Variants in PDE4D observed in about 807,000 individuals in gnomAD.
PDE4D encodes the protein phosphodiesterase 4D.
PDE4D carries 24 observed loss-of-function variants against 87.4 expected under a neutral mutation model. The observed-to-expected ratio is 0.27, with a 90% CI of 0.20 to 0.39. The LOEUF is 0.39. Among genes scored for constraint, PDE4D ranks in the 10% least tolerant of loss-of-function variants. PDE4D has a pLI of 1.00. For synonymous variants in PDE4D, 384 were observed against 383.2 expected (o/e 1.00, Z -0.02); for missense variants, 714 against 1,041.0 (o/e 0.69, Z 4.32).
At position 60,406,952 on chromosome 5, in the gene PDE4D, C is replaced by T. The variant is rs149028977; in HGVS notation, c.-90+80990G>A. ...GTACTATAAATTCAACACAACTAGCCTTCCTTGCTGTAAGCACCAAGAGCA... is the reference window on the plus strand; with the variant it reads ...GTACTATAAATTCAACACAACTAGCTTTCCTTGCTGTAAGCACCAAGAGCA... On this transcript the variant is annotated intron_variant, in intron 1 of 16. Transcript: ENST00000502484. Among the ~76,000 whole-genome samples, 904 of 152,204 alleles carry T rather than the reference C, an allele frequency of 5.9e-3. 6 individuals are homozygous for T. The highest frequency in any genetic ancestry group is 0.021 in the African/African-American group (871 of 41,526).
intron 1 of PDE4D, among the ~76,000 whole-genome samples, chr5:60,290,215 T>C (rs893830356): frequency 1.3e-5 from 2 of 151,778 alleles, no homozygotes; most frequent in Non-Finnish European, 2.9e-5. Context: ...ATTAGAACAA[T>C]AAAAGATCAA....
At chr5:59,768,166 AC>A (rs1763034104) in intron 1 of PDE4D, 1 of 1,520,860 alleles carries the variant, frequency 6.6e-7, no homozygotes, top group Admixed American at 1.8e-5. Context: ...CTCCCTCCCT[AC>A]CCCCAAAATT....
intron 1 of PDE4D, among the ~76,000 whole-genome samples, chr5:60,507,402 T>TA (rs1218054536): frequency 7.9e-5 from 12 of 152,314 alleles, no homozygotes; most frequent in Admixed American, 5.9e-4. Flanking sequence ...CTGTAATTCT[T>TA]AGACACTTTG....
At chr5:60,147,648 GCTTAGGGT>G in intron 2 of PDE4D, 1 of 380,288 alleles carries the variant, frequency 2.6e-6, no homozygotes, top group South Asian at 2.0e-5. Flanking sequence ...ATTCAGGAGA[GCTTAGGGT>G]CTCTCAAGAG....
At chr5:59,425,535 G>T (rs1258344813) in intron 1 of PDE4D, among the ~76,000 whole-genome samples, 1 of 152,110 alleles carries the variant, frequency 6.6e-6, no homozygotes, top group Non-Finnish European at 1.5e-5. Flanking sequence ...AATTGCGTCA[G>T]TTGAAAATCA....
intron 1 of PDE4D, among the ~76,000 whole-genome samples, chr5:60,201,245 T>A (rs1362513760): frequency 1.4e-5 from 2 of 144,670 alleles, no homozygotes; most frequent in African/African-American, 4.9e-5. Context: ...TTTTTTTTTT[T>A]AAGTTAAGTA....
At chr5:58,978,664 G>A (rs1354260415) in intron 11 of PDE4D, among the ~76,000 whole-genome samples, 1 of 152,052 alleles carries the variant, frequency 6.6e-6, no homozygotes, top group African/African-American at 2.4e-5. Flanking sequence ...ATACAAATTT[G>A]CACACTTAAA....
At chr5:59,480,780 A>T (rs1225259886) in intron 1 of PDE4D, among the ~76,000 whole-genome samples, 1 of 152,186 alleles carries the variant, frequency 6.6e-6, no homozygotes, top group Non-Finnish European at 1.5e-5. Flanking sequence ...ACTGTGTGCC[A>T]GACAGGTGAT....
intron 2 of PDE4D, among the ~76,000 whole-genome samples, chr5:59,990,367 C>T (rs1333734421): frequency 6.6e-6 from 1 of 152,072 alleles, no homozygotes; most frequent in African/African-American, 2.4e-5. Flanking sequence ...TCTATGCTGT[C>T]TTTGATGCTC....
At chr5:60,465,390 A>C (rs1696094236) in intron 1 of PDE4D, among the ~76,000 whole-genome samples, 1 of 152,142 alleles carries the variant, frequency 6.6e-6, no homozygotes, top group Non-Finnish European at 1.5e-5. Flanking sequence ...CATAACATAC[A>C]TATTATTCCA....
intron 1 of PDE4D, among the ~76,000 whole-genome samples, chr5:60,365,486 A>T (rs1760442355): frequency 6.6e-6 from 1 of 152,176 alleles, no homozygotes; most frequent in Non-Finnish European, 1.5e-5. Flanking sequence ...CTCTCTCTGC[A>T]TCATTCATTT....
At chr5:60,457,109 A>C (rs1007681080) in intron 1 of PDE4D, among the ~76,000 whole-genome samples, 5 of 152,228 alleles carry the variant, frequency 3.3e-5, no homozygotes, top group African/African-American at 1.2e-4. Context: ...AGCCTGCTCG[A>C]CTGAGAGACC....
chr5:60,382,544 T>C (rs1257987625), intron 1 of PDE4D, among the ~76,000 whole-genome samples: 1 of 152,206 alleles, frequency 6.6e-6, no homozygotes, highest in East Asian at 1.9e-4. Context: ...TTTTAGACTT[T>C]TATTCTTCTA....
At chr5:59,591,485 GT>G (rs944157065) in intron 1 of PDE4D, among the ~76,000 whole-genome samples, 4 of 152,142 alleles carry the variant, frequency 2.6e-5, no homozygotes, top group Admixed American at 1.3e-4. Flanking sequence ...AATGTCAAAT[GT>G]TAAGGTATAT....
chr5:59,928,124 A>G (rs138391341), intron 3 of PDE4D, among the ~76,000 whole-genome samples: 504 of 152,330 alleles, frequency 3.3e-3, no homozygotes, highest in Non-Finnish European at 5.6e-3. Context: ...GCTCAGTGCC[A>G]GATTTCCTGA....
At chr5:60,298,383 C>A (rs1481425350) in intron 1 of PDE4D, among the ~76,000 whole-genome samples, 1 of 152,048 alleles carries the variant, frequency 6.6e-6, no homozygotes, top group Non-Finnish European at 1.5e-5. Context: ...TAAACACATC[C>A]CTAGAGAAAT....
intron 1 of PDE4D, among the ~76,000 whole-genome samples, chr5:59,241,030 A>C (rs978223051): frequency 6.6e-6 from 1 of 152,204 alleles, no homozygotes; most frequent in African/African-American, 2.4e-5. Flanking sequence ...AAGCATGTGA[A>C]GTGCTCAGCA....
intron 1 of PDE4D, among the ~76,000 whole-genome samples, chr5:59,791,345 T>C (rs1374433610): frequency 6.6e-6 from 1 of 152,232 alleles, no homozygotes; most frequent in Non-Finnish European, 1.5e-5. Flanking sequence ...TGGTGGGAGT[T>C]CACGGCGCTG....
In PDE4D at chr5:59,794,145, A is replaced by G. The variant is rs1248742555; in HGVS notation, c.455+99023T>C. Among the ~76,000 whole-genome samples the G allele has an allele frequency of 2.1e-3, 106 of 51,418 alleles. 1 individual carries two copies. The highest frequency in any genetic ancestry group is 2.7e-3 in the African/African-American group (43 of 15,998). 33.7% of individuals were successfully genotyped at this position (51,418 alleles called of 152,430 possible). ...GACACACACACAGAGGCGCACACAC[A>G]CACACACACACACACACACACACAC... is the stretch of plus-strand genomic sequence containing the variant. On this transcript the variant is annotated intron_variant, in intron 1 of 14. Transcript: ENST00000340635.
Sources: allele counts gnomAD v4.1 joint callset (sites outside exome capture counted in the v4.1 genomes callset), GRCh38; gene constraint gnomAD v4.1.1; transcripts MANE v1.5; gene names NCBI Gene and HGNC (gene_info 2026-07-23, HGNC 2026-07-21).